Variants in ICA1L observed in about 807,000 individuals in gnomAD.
The protein encoded by ICA1L is islet cell autoantigen 1 like.
In ICA1L, 50 loss-of-function variants were observed where a neutral mutation model predicts 61.3. The observed-to-expected ratio is 0.82, with a 90% CI of 0.65 to 1.03. ICA1L has a LOEUF of 1.03. Ranked by LOEUF, ICA1L falls within the 50% of genes least tolerant of loss-of-function variation. The pLI is 0.00. For synonymous variants in ICA1L, 161 were observed against 191.3 expected (o/e 0.84, Z 1.31); for missense variants, 508 against 556.7 (o/e 0.91, Z 0.88).
At chr2:202,833,300 G>C (rs1039340261) in intron 1 of ICA1L, among the ~76,000 whole-genome samples, 1 of 152,216 alleles carries the variant, frequency 6.6e-6, no homozygotes, top group African/African-American at 2.4e-5. Flanking sequence ...AATGAAAGTA[G>C]TGGGAGCACA....
Position 202,773,917 on chromosome 2 carries a change from T to C in ICA1L, c.*5616A>G. The stretch of plus-strand genomic sequence containing the variant: ...ACCAGTGGAATAAGAACAGTCAACG[T>C]AGAAAGAGACAGAAAGATTCTTCTC... On this transcript the variant is annotated 3_prime_UTR_variant, in exon 13 of 13. Transcript: ENST00000358299. The C allele has an allele frequency of 8.1e-7, 1 of 1,227,376 alleles. No homozygotes were observed. Among genetic ancestry groups the C allele is most frequent in the Non-Finnish European group, 1.2e-6 (1 of 839,868 alleles). 76.0% of individuals were successfully genotyped at this position (1,227,376 alleles called of 1,614,324 possible).
intron 1 of ICA1L, among the ~76,000 whole-genome samples, chr2:202,857,885 G>A (rs1464057163): frequency 6.6e-6 from 1 of 152,152 alleles, no homozygotes; most frequent in Non-Finnish European, 1.5e-5. Flanking sequence ...ATCATCACTG[G>A]TCACTAGAGA....
chr2:202,800,427 C>T (rs935778307), intron 9 of ICA1L, among the ~76,000 whole-genome samples: 1 of 152,094 alleles, frequency 6.6e-6, no homozygotes, highest in Non-Finnish European at 1.5e-5. Flanking sequence ...AAAATTACTT[C>T]CAAGTTTTGA....
At chr2:202,864,464 A>G (rs1574390643) in intron 1 of ICA1L, among the ~76,000 whole-genome samples, 2 of 151,832 alleles carry the variant, frequency 1.3e-5, no homozygotes, top group South Asian at 2.1e-4. Context: ...CGATCTCCTG[A>G]CCTCGTGATC....
intron 1 of ICA1L, among the ~76,000 whole-genome samples, chr2:202,830,912 C>T (rs1357124664): frequency 1.3e-5 from 2 of 151,774 alleles, no homozygotes; most frequent in East Asian, 1.9e-4. Context: ...CAAAGAATCT[C>T]GAATCATAAA....
chr2:202,858,514 A>G (rs1222774699), intron 1 of ICA1L, among the ~76,000 whole-genome samples: 1 of 152,214 alleles, frequency 6.6e-6, no homozygotes. Context: ...ACAAATATCT[A>G]ATGCATGCAG....
At chr2:202,820,588 G>A (rs977110928) in intron 4 of ICA1L, among the ~76,000 whole-genome samples, 3 of 152,236 alleles carry the variant, frequency 2.0e-5, no homozygotes, top group African/African-American at 7.2e-5. Context: ...GGAAAACCTG[G>A]GTTTTGCTAG....
rs539620669 is a variant in ICA1L at position 202,836,878 on chromosome 2, G to A, written c.-7-7862C>T. Among the ~76,000 whole-genome samples the A allele has an allele frequency of 1.6e-4, 19 of 115,580 alleles. No homozygotes were observed. The South Asian group carries it at 6.3e-3, about 38-fold the overall frequency. The allele number at this position is 115,580 out of a possible 152,430, so 75.8% of individuals were successfully genotyped here. A position where few individuals can be genotyped will look rare whatever the true frequency, so the allele number is the denominator to read the frequency against. On this transcript the variant is annotated intron_variant, in intron 1 of 12. Transcript: ENST00000358299. The stretch of plus-strand genomic sequence containing the variant: ...ATTTTTTTAGATGGAGTCTCATTTG[G>A]ATGCCCAGGCTGGAGTGCAGTGGCA...
chr2:202,833,368 C>T (rs569888130), intron 1 of ICA1L, among the ~76,000 whole-genome samples: 4 of 151,966 alleles, frequency 2.6e-5, no homozygotes, highest in Non-Finnish European at 5.9e-5. Context: ...ATCACTGGCG[C>T]CCAGGAGCTC....
Position 202,849,710 on chromosome 2 carries a change from G to A in ICA1L, c.-7-20694C>T, listed in dbSNP as rs536875777. 4.3e-4 allele frequency among the ~76,000 whole-genome samples: 66 copies of A among 152,202 alleles called. No homozygotes were observed. The highest frequency in any genetic ancestry group is 6.8e-4 in the Non-Finnish European group (46 of 68,040). On this transcript the variant is annotated intron_variant, in intron 1 of 12. Coordinates refer to ENST00000358299, the MANE Select transcript of ICA1L (RefSeq NM_001288622.3). The surrounding 1 kb of genome is among the most constrained non-coding windows in gnomAD (Gnocchi z 4.5). ...GGGCAACTGTGGGCACAGCTTCAGCGGACTTAACATGTTCCTGCCTGCTGG... is the reference window on the plus strand; with the variant it reads ...GGGCAACTGTGGGCACAGCTTCAGCAGACTTAACATGTTCCTGCCTGCTGG...
At chr2:202,866,588 T>C (rs529479512) in intron 1 of ICA1L, among the ~76,000 whole-genome samples, 25 of 152,210 alleles carry the variant, frequency 1.6e-4, no homozygotes, top group Non-Finnish European at 3.4e-4. Flanking sequence ...TGCTCAACTC[T>C]TAATTAACAT....
At chr2:202,817,061 A>G (rs2105848286) in intron 6 of ICA1L, among the ~76,000 whole-genome samples, 1 of 152,348 alleles carries the variant, frequency 6.6e-6, no homozygotes, top group Non-Finnish European at 1.5e-5. Context: ...TTGGGGGCAC[A>G]GAATCTTTGC....
At chr2:202,870,087 GC>G (rs1286158830) in intron 1 of ICA1L, among the ~76,000 whole-genome samples, 2 of 152,090 alleles carry the variant, frequency 1.3e-5, no homozygotes, top group Non-Finnish European at 2.9e-5. Context: ...TACTGAAAAA[GC>G]TAAAGTATAA....
chr2:202,806,201 T>TG (rs896921865), intron 9 of ICA1L, among the ~76,000 whole-genome samples: 18 of 152,040 alleles, frequency 1.2e-4, no homozygotes, highest in African/African-American at 4.1e-4. Context: ...CCTTTCCGCT[T>TG]GAGGAGGGGA....
Position 202,773,486 on chromosome 2 carries a change from C to T in ICA1L, c.*6047G>A, listed in dbSNP as rs1209663512. Reference sequence around the variant, plus strand: ...TTAGGGATGTTTATCTCCAACAAGACACTGTCAAAATGTTTCTTCTGATAA... The same window carrying T: ...TTAGGGATGTTTATCTCCAACAAGATACTGTCAAAATGTTTCTTCTGATAA... On this transcript the variant is annotated 3_prime_UTR_variant, in exon 13 of 13. Transcript: ENST00000358299. 3.8e-6 allele frequency: 1 copy of T among 263,786 alleles called. No homozygotes were observed. The highest frequency in any genetic ancestry group is 8.3e-5 in the East Asian group (1 of 12,024). 16.3% of individuals were successfully genotyped at this position (263,786 alleles called of 1,614,324 possible).
At chr2:202,782,933 T>C (rs563252529) in intron 12 of ICA1L, among the ~76,000 whole-genome samples, 1 of 152,340 alleles carries the variant, frequency 6.6e-6, no homozygotes, top group Non-Finnish European at 1.5e-5. Context: ...ATAAGTACTC[T>C]GAATCCCTGA....
At chr2:202,827,214 T>C (rs1285772627) in intron 2 of ICA1L, among the ~76,000 whole-genome samples, 2 of 152,108 alleles carry the variant, frequency 1.3e-5, no homozygotes, top group African/African-American at 4.8e-5. Flanking sequence ...GCCAGCATGC[T>C]GAAACCCTGT....
At chr2:202,780,333 AT>A (rs1221989796) in intron 12 of ICA1L, among the ~76,000 whole-genome samples, 16 of 152,180 alleles carry the variant, frequency 1.1e-4, no homozygotes, top group Admixed American at 2.6e-4. Flanking sequence ...TGATGTGCGC[AT>A]TTTACAGTAT....
chr2:202,821,196 ATTAGTAAT>A (rs1693693067), intron 4 of ICA1L, among the ~76,000 whole-genome samples, 154 bp downstream of exon 4: 1 of 152,246 alleles, frequency 6.6e-6, no homozygotes, highest in South Asian at 2.1e-4. Context: ...TGAATACAAA[ATTAGTAAT>A]TAAGAATTAG....
Sources: gnomAD v4.1 joint callset for allele counts (sites outside exome capture counted in the v4.1 genomes callset) on GRCh38, gnomAD v4.1.1 for gene constraint, Gnocchi (gnomAD v3.1) non-coding constraint, MANE v1.5 for transcripts, NCBI Gene and HGNC (gene_info 2026-07-23, HGNC 2026-07-21) for gene names.